The following KIF5C variants were observed in gnomAD, a reference collection of about 807,000 sequenced individuals.
KIF5C encodes kinesin family member 5C, also known as kinesin heavy chain isoform 5C.
A neutral mutation model predicts 125.2 loss-of-function variants in KIF5C; 18 were observed. That is an observed-to-expected ratio of 0.14 (90% CI 0.10 to 0.21). KIF5C has a LOEUF of 0.21. Ranked by LOEUF, KIF5C falls within the 10% of genes least tolerant of loss-of-function variation. The pLI is 1.00. For synonymous variants in KIF5C, 405 were observed against 434.0 expected, an observed-to-expected ratio of 0.93 and a Z score of 0.83; for missense variants, 780 against 1,183.8, an observed-to-expected ratio of 0.66 and a Z score of 5.01.
rs756534886 is a variant in KIF5C, at chr2:148,994,552, TA to T, written c.2023+16del. On this transcript the variant is annotated intron_variant, in intron 17 of 25. Coordinates refer to ENST00000435030, the MANE Select transcript of KIF5C (RefSeq NM_004522.3). ...TCCGAGCCCAGGGTAAATATTTGAC[TA>T]ACGTGCAGGTGTCAAACACCTGGCC... 2 of 1,553,490 alleles carry T rather than the reference TA, an allele frequency of 1.3e-6. No individual in the cohort carries two copies. Among genetic ancestry groups the T allele is most frequent in the Non-Finnish European group, 1.7e-6 (2 of 1,148,334 alleles).
At chr2:148,949,785 A>G (rs1682614808) in intron 8 of KIF5C, 54 bp from the exon 9 acceptor site, 2 of 1,574,918 alleles carry the variant, frequency 1.3e-6, no homozygotes, top group South Asian at 2.4e-5. Context: ...TGAAATTTCT[A>G]CTTTGTGCTT....
intron 19 of KIF5C, 59 bp from the exon 20 acceptor site, chr2:149,000,364 C>T (rs1302706111): frequency 1.3e-6 from 2 of 1,532,242 alleles, no homozygotes; most frequent in Non-Finnish European, 1.8e-6. Flanking sequence ...CGGTTTTAGC[C>T]TGATGACTCA....
chr2:148,971,920 A>C lies in KIF5C; in HGVS notation c.1118-1416A>C, dbSNP rs527674218. Among the ~76,000 whole-genome samples the C allele has an allele frequency of 2.8e-4, 42 of 152,130 alleles. No homozygotes were observed. The South Asian group carries it at 5.4e-3, about 20-fold the overall frequency. On this transcript the variant is annotated intron_variant, in intron 11 of 25. Coordinates refer to ENST00000435030, the MANE Select transcript of KIF5C (RefSeq NM_004522.3). The stretch of plus-strand genomic sequence containing the variant: ...CACAGATTGAAATCTCAGTTACTCT[A>C]TTATTTATTTTTATTTATTTATTTA...
At chr2:148,882,715 A>G (rs756928885) in intron 1 of KIF5C, among the ~76,000 whole-genome samples, 1 of 151,658 alleles carries the variant, frequency 6.6e-6, no homozygotes, top group Non-Finnish European at 1.5e-5. Context: ...AGCCCACAAT[A>G]CCTCCTCTGA....
intron 20 of KIF5C, 86 bp from the exon 21 acceptor site, chr2:149,000,636 T>A (rs1339118418): frequency 6.3e-7 from 1 of 1,591,116 alleles, no homozygotes; most frequent in Non-Finnish European, 8.6e-7. Context: ...TTGGTGGGTT[T>A]TGTTGATTTA....
At chr2:148,962,607 T>G (rs1031880476) in intron 11 of KIF5C, among the ~76,000 whole-genome samples, 1 of 152,154 alleles carries the variant, frequency 6.6e-6, no homozygotes, top group African/African-American at 2.4e-5. Flanking sequence ...TCTTAGTCCC[T>G]AACACAGGCA....
At chr2:149,015,634 A>T (rs1162542313) in intron 25 of KIF5C, among the ~76,000 whole-genome samples, 1 of 152,216 alleles carries the variant, frequency 6.6e-6, no homozygotes, top group Admixed American at 6.5e-5. Flanking sequence ...AATCAAAAGA[A>T]CCCAGGATAA....
chr2:148,999,166 A>C (rs1413665579), intron 19 of KIF5C, among the ~76,000 whole-genome samples: 1 of 152,202 alleles, frequency 6.6e-6, no homozygotes, highest in Non-Finnish European at 1.5e-5. Flanking sequence ...CTGCTCCTTC[A>C]GAATAATGTT....
At chr2:148,987,995 C>A (rs1681427120) in intron 15 of KIF5C, among the ~76,000 whole-genome samples, 1 of 152,010 alleles carries the variant, frequency 6.6e-6, no homozygotes, top group Non-Finnish European at 1.5e-5. Context: ...CCTGTATAGG[C>A]AGGTAGAAGC....
In KIF5C at chr2:148,971,286, GTCTGTCTATCTA is replaced by G. The variant is rs1467750101; in HGVS notation, c.1118-2046_1118-2035del. Among the ~76,000 whole-genome samples the G allele has an allele frequency of 2.6e-3, 345 of 134,580 alleles. 1 individual carries two copies. The highest frequency in any genetic ancestry group is 0.021 in the Middle Eastern group (6 of 280). 88.3% of individuals were successfully genotyped at this position (134,580 alleles called of 152,430 possible). ...AGAAAATCTGTCTGTCTGTCTGTCTGTCTGTCTATCTATCTATCTATCTATCTATCTATCTAT... is the reference window on the plus strand; with the variant it reads ...AGAAAATCTGTCTGTCTGTCTGTCTGTCTATCTATCTATCTATCTATCTAT... On this transcript the variant is annotated intron_variant, in intron 11 of 25. Transcript: ENST00000435030.
intron 4 of KIF5C, among the ~76,000 whole-genome samples, chr2:148,941,122 G>T (rs1682398290): frequency 6.6e-6 from 1 of 152,188 alleles, no homozygotes; most frequent in Non-Finnish European, 1.5e-5. Flanking sequence ...ATGCACCAGA[G>T]CTGGCCACCA....
chr2:148,921,575 G>C (rs1681786670), intron 1 of KIF5C, among the ~76,000 whole-genome samples: 1 of 152,132 alleles, frequency 6.6e-6, no homozygotes, highest in Non-Finnish European at 1.5e-5. Flanking sequence ...CTTCTGCCTA[G>C]GATGCGCTTC....
chr2:148,925,235 C>T lies in KIF5C; in HGVS notation c.217+3008C>T, dbSNP rs993013545. On this transcript the variant is annotated intron_variant, in intron 2 of 25. Transcript: ENST00000435030. The stretch of plus-strand genomic sequence containing the variant: ...ATTCTGCTTGGACAACTTGGAGCGG[C>T]ACAGGGTGCAGAGTGGCATTATGGG... Among the ~76,000 whole-genome samples, 14 of 152,092 alleles carry T rather than the reference C, an allele frequency of 9.2e-5. 1 individual carries two copies. The highest frequency in any genetic ancestry group is 5.2e-4 in the Admixed American group (8 of 15,274).
At chr2:149,001,224 C>T (rs562121582) in intron 21 of KIF5C, among the ~76,000 whole-genome samples, 1 of 152,196 alleles carries the variant, frequency 6.6e-6, no homozygotes, top group Non-Finnish European at 1.5e-5. Context: ...AAATCTTGCA[C>T]TCTATCAGAT....
At chr2:148,994,630 G>C (rs952460693) in intron 17 of KIF5C, 92 bp downstream of exon 17, 1 of 1,423,740 alleles carries the variant, frequency 7.0e-7, no homozygotes, top group East Asian at 2.7e-5. Flanking sequence ...GTTTCGTTCA[G>C]TTAAAGCATT....
intron 25 of KIF5C, among the ~76,000 whole-genome samples, chr2:149,020,897 G>A (rs1179472373): frequency 1.3e-5 from 2 of 152,192 alleles, no homozygotes; most frequent in South Asian, 2.1e-4. Context: ...GAAAGGCCAT[G>A]TTCTTCCCAA....
At chr2:149,016,223 G>A (rs960821096) in intron 25 of KIF5C, among the ~76,000 whole-genome samples, 3 of 152,200 alleles carry the variant, frequency 2.0e-5, no homozygotes, top group Non-Finnish European at 4.4e-5. Flanking sequence ...GAAGCTGTGG[G>A]CAACTTAGAT....
intron 7 of KIF5C, 111 bp downstream of exon 7, chr2:148,942,871 A>C: frequency 1.3e-6 from 2 of 1,527,404 alleles, no homozygotes; most frequent in Non-Finnish European, 1.8e-6. Context: ...TGGGAAGGTG[A>C]TTAAAGAGCA....
intron 1 of KIF5C, among the ~76,000 whole-genome samples, chr2:148,891,111 A>C (rs1681696854): frequency 6.6e-6 from 1 of 152,190 alleles, no homozygotes; most frequent in South Asian, 2.1e-4. Context: ...CATTTGGGAT[A>C]TTGCATATTT....
Sources: allele counts gnomAD v4.1 joint callset (sites outside exome capture counted in the v4.1 genomes callset), GRCh38; gene constraint gnomAD v4.1.1; transcripts MANE v1.5; gene names NCBI Gene and HGNC (gene_info 2026-07-23, HGNC 2026-07-21).